Variants in KHDRBS2 observed in about 807,000 individuals in gnomAD.
KHDRBS2 encodes KH domain-containing, RNA-binding, signal transduction-associated protein 2.
A neutral mutation model predicts 44.3 loss-of-function variants in KHDRBS2; 26 were observed. The ratio of observed to expected loss-of-function variants is 0.59; its 90% CI spans 0.43 to 0.81. KHDRBS2 has a LOEUF of 0.81. Among genes scored for constraint, KHDRBS2 ranks in the 40% least tolerant of loss-of-function variants. The probability of loss-of-function intolerance (pLI) is 0.00; values close to 1 mark genes in which losing one functional copy is unlikely to be tolerated. For synonymous variants in KHDRBS2, 194 were observed against 151.1 expected (o/e 1.28, Z -2.08); for missense variants, 476 against 433.1 (o/e 1.10, Z -0.88).
At chr6:61,883,520 T>C (rs1393223830) in intron 6 of KHDRBS2, among the ~76,000 whole-genome samples, 2 of 152,058 alleles carry the variant, frequency 1.3e-5, no homozygotes, top group East Asian at 3.9e-4. Flanking sequence ...TAGAAGAATC[T>C]GCATCTTTTC....
At chr6:61,888,167 G>T (rs1249280810) in intron 6 of KHDRBS2, among the ~76,000 whole-genome samples, 1 of 152,100 alleles carries the variant, frequency 6.6e-6, no homozygotes, top group African/African-American at 2.4e-5. Context: ...TTGGGGCTGG[G>T]TCCCCAATAA....
intron 3 of KHDRBS2, among the ~76,000 whole-genome samples, chr6:61,981,320 T>C (rs1773796786): frequency 1.3e-5 from 2 of 152,194 alleles, no homozygotes; most frequent in South Asian, 4.1e-4. Context: ...TAAGAAATTA[T>C]AAAACTTTTT....
intron 6 of KHDRBS2, among the ~76,000 whole-genome samples, chr6:61,876,128 G>C (rs1799377986): frequency 6.6e-6 from 1 of 151,880 alleles, no homozygotes; most frequent in African/African-American, 2.4e-5. Context: ...TCACTTTATG[G>C]CCTCCAAACC....
chr6:61,687,151 T>C (rs755916025), intron 8 of KHDRBS2, among the ~76,000 whole-genome samples: 2 of 151,782 alleles, frequency 1.3e-5, no homozygotes, highest in African/African-American at 4.8e-5. Flanking sequence ...GGGAGAAATA[T>C]GGGTGACCAG....
intron 8 of KHDRBS2, among the ~76,000 whole-genome samples, chr6:61,696,891 T>C (rs1385055865): frequency 6.6e-6 from 1 of 152,164 alleles, no homozygotes; most frequent in Non-Finnish European, 1.5e-5. Flanking sequence ...CACAATATTG[T>C]TGCCAAATCA....
At chr6:62,198,299 T>G (rs1288894522) in intron 1 of KHDRBS2, among the ~76,000 whole-genome samples, 2 of 151,328 alleles carry the variant, frequency 1.3e-5, no homozygotes, top group Non-Finnish European at 3.0e-5. Context: ...AATCCAAGAG[T>G]GGTTTTTTGA....
chr6:61,581,115 A>C, the KHDRBS2 span, among the ~76,000 whole-genome samples: 1 of 152,180 alleles, frequency 6.6e-6, no homozygotes, highest in East Asian at 1.9e-4. Flanking sequence ...CTCATCCCCA[A>C]TACAAACTCT....
chr6:62,224,625 T>C (rs528953770), intron 1 of KHDRBS2, among the ~76,000 whole-genome samples: 233 of 152,316 alleles, frequency 1.5e-3, no homozygotes, highest in African/African-American at 5.4e-3. Flanking sequence ...TTTCTCCCTA[T>C]ATACTTTAGA....
At chr6:62,181,423 G>T (rs1822264529) in intron 1 of KHDRBS2, among the ~76,000 whole-genome samples, 1 of 151,812 alleles carries the variant, frequency 6.6e-6, no homozygotes, top group Admixed American at 6.6e-5. Context: ...TATGCAAATG[G>T]ACAATGGCAA....
chr6:61,656,566 G>A, the KHDRBS2 span, among the ~76,000 whole-genome samples: 1 of 151,942 alleles, frequency 6.6e-6, no homozygotes, highest in African/African-American at 2.4e-5. Flanking sequence ...ATGTAACTCA[G>A]TGGTGTGCTG....
chr6:61,792,685 A>T (rs928538390), intron 6 of KHDRBS2, among the ~76,000 whole-genome samples: 5 of 151,842 alleles, frequency 3.3e-5, no homozygotes, highest in African/African-American at 1.2e-4. Context: ...ACACACCAAA[A>T]AAACTTTCAA....
intron 7 of KHDRBS2, among the ~76,000 whole-genome samples, chr6:61,703,310 A>G (rs965395787): frequency 2.6e-5 from 4 of 151,958 alleles, no homozygotes; most frequent in East Asian, 1.9e-4. Flanking sequence ...ATTTTATTGC[A>G]TATATTTATG....
chr6:61,793,374 G>T (rs1330303626), intron 6 of KHDRBS2, among the ~76,000 whole-genome samples: 1 of 151,910 alleles, frequency 6.6e-6, no homozygotes, highest in Admixed American at 6.6e-5. Context: ...TGTTTATAGG[G>T]TATATGTGAT....
intron 6 of KHDRBS2, among the ~76,000 whole-genome samples, chr6:61,892,792 A>T (rs1389210182): frequency 6.6e-6 from 1 of 152,226 alleles, no homozygotes; most frequent in African/African-American, 2.4e-5. Flanking sequence ...CTAATACCAT[A>T]AAAACCCTAG....
At chr6:62,259,640 T>C (rs1300790121) in intron 1 of KHDRBS2, among the ~76,000 whole-genome samples, 7 of 151,958 alleles carry the variant, frequency 4.6e-5, no homozygotes, top group Non-Finnish European at 8.8e-5. Context: ...CATTTCTCGA[T>C]TGAAAATAAT....
At position 62,028,032 on chromosome 6, in the gene KHDRBS2, C is replaced by T. The variant is rs778036677; in HGVS notation, c.336+19846G>A. 8.6e-5 allele frequency among the ~76,000 whole-genome samples: 13 copies of T among 152,038 alleles called. No homozygotes were observed. The South Asian group carries it at 2.7e-3, about 31-fold the overall frequency. ...CAGGGACTTACCACTTCTGACTAGC[C>T]TCTGAAGTGAGGGGGGCACTTCTGT... On this transcript the variant is annotated intron_variant, in intron 3 of 8. Transcript: ENST00000281156.
chr6:62,250,337 T>C (rs1018039010), intron 1 of KHDRBS2, among the ~76,000 whole-genome samples: 20 of 152,136 alleles, frequency 1.3e-4, no homozygotes, highest in African/African-American at 4.6e-4. Context: ...CTTTGACTGA[T>C]CTAAGTTAAA....
chr6:61,618,019 C>A, the KHDRBS2 span, among the ~76,000 whole-genome samples: 1 of 152,094 alleles, frequency 6.6e-6, no homozygotes, highest in Admixed American at 6.6e-5. Flanking sequence ...TTGTTTTCCA[C>A]ATTGATACAA....
chr6:61,976,226 G>A (rs1483590240), intron 4 of KHDRBS2, among the ~76,000 whole-genome samples: 1 of 152,088 alleles, frequency 6.6e-6, no homozygotes, highest in East Asian at 1.9e-4. Flanking sequence ...CATTCCATCA[G>A]TCAAACTATC....
Sources: allele counts gnomAD v4.1 joint callset (sites outside exome capture counted in the v4.1 genomes callset), GRCh38; gene constraint gnomAD v4.1.1; transcripts MANE v1.5; gene names NCBI Gene and HGNC (gene_info 2026-07-23, HGNC 2026-07-21).